Variants in SEMA5A observed in about 807,000 individuals in gnomAD.
SEMA5A encodes the protein semaphorin-5A.
A neutral mutation model predicts 135.5 loss-of-function variants in SEMA5A; 55 were observed. The ratio of observed to expected loss-of-function variants is 0.41; its 90% CI spans 0.33 to 0.51. The LOEUF (loss-of-function observed/expected upper bound fraction) is 0.51, where lower values mean the gene tolerates loss of function less well. Among genes scored for constraint, SEMA5A ranks in the 20% least tolerant of loss-of-function variants. The pLI is 0.37. For missense variants in SEMA5A, 1,290 were observed against 1,419.9 expected, an observed-to-expected ratio of 0.91 and a Z score of 1.47; for synonymous variants, 580 against 546.5, an observed-to-expected ratio of 1.06 and a Z score of -0.85.
intron 16 of SEMA5A, among the ~76,000 whole-genome samples, chr5:9,098,745 A>G (rs1739464690): frequency 6.6e-6 from 1 of 152,188 alleles, no homozygotes; most frequent in Admixed American, 6.5e-5. Context: ...GCCATTTAGT[A>G]GAAATTATTA....
At chr5:9,172,234 G>T (rs997341966) in intron 11 of SEMA5A, among the ~76,000 whole-genome samples, 3 of 151,994 alleles carry the variant, frequency 2.0e-5, no homozygotes, top group African/African-American at 7.3e-5. Flanking sequence ...GCTGCCTAGA[G>T]ATATTAAAAA....
At chr5:9,167,352 A>G (rs1451181930) in intron 11 of SEMA5A, among the ~76,000 whole-genome samples, 1 of 152,170 alleles carries the variant, frequency 6.6e-6, no homozygotes, top group African/African-American at 2.4e-5. Context: ...ACCGCATGCA[A>G]CTAGAACTCA....
chr5:9,194,455 T>G (rs1442302762), intron 10 of SEMA5A, among the ~76,000 whole-genome samples: 1 of 152,200 alleles, frequency 6.6e-6, no homozygotes, highest in African/African-American at 2.4e-5. Context: ...TTAAAAAATC[T>G]AACCACTTTC....
chr5:9,180,165 A>G (rs1347189902), intron 11 of SEMA5A, among the ~76,000 whole-genome samples: 1 of 152,176 alleles, frequency 6.6e-6, no homozygotes, highest in Non-Finnish European at 1.5e-5. Context: ...GTACTCCAGT[A>G]TGACTTCATC....
chr5:9,093,638 C>T (rs1051806626), intron 16 of SEMA5A, among the ~76,000 whole-genome samples: 17 of 151,672 alleles, frequency 1.1e-4, no homozygotes, highest in East Asian at 1.9e-4. Flanking sequence ...GCTCGTGAGG[C>T]GGAGCTTGCA....
chr5:9,104,962 C>T (rs1739833171), intron 16 of SEMA5A, among the ~76,000 whole-genome samples: 1 of 152,152 alleles, frequency 6.6e-6, no homozygotes, highest in South Asian at 2.1e-4. Context: ...ACACATGTGC[C>T]CCAGGGTCCA....
intron 1 of SEMA5A, among the ~76,000 whole-genome samples, chr5:9,456,617 C>T (rs1314846232): frequency 6.6e-6 from 1 of 152,074 alleles, no homozygotes; most frequent in African/African-American, 2.4e-5. Context: ...CTAACTGGAC[C>T]CCAAACCACA....
rs1442274005 is a variant in SEMA5A at position 9,036,528 on chromosome 5, C to T, written c.*6369G>A. 2.0e-5 allele frequency: 3 copies of T among 152,138 alleles called. No individual in the cohort carries two copies. Among genetic ancestry groups the T allele is most frequent in the African/African-American group, 7.2e-5 (3 of 41,426 alleles). 9.4% of individuals were successfully genotyped at this position (152,138 alleles called of 1,614,324 possible). On this transcript the variant is annotated 3_prime_UTR_variant, in exon 23 of 23. Coordinates refer to ENST00000382496, the MANE Select transcript of SEMA5A (RefSeq NM_003966.3). ...CTTCTATAGGCATCACGTTAACATT[C>T]TTATTACAGAACAATCACTATGATT...
intron 1 of SEMA5A, among the ~76,000 whole-genome samples, chr5:9,542,413 T>C (rs1424769928): frequency 6.6e-6 from 1 of 152,240 alleles, no homozygotes; most frequent in Non-Finnish European, 1.5e-5. Context: ...AAAGTACTTA[T>C]AGACGCTCAT....
At chr5:9,309,874 A>G (rs1359187289) in intron 5 of SEMA5A, among the ~76,000 whole-genome samples, 1 of 13,704 alleles carries the variant, frequency 7.3e-5, no homozygotes, top group East Asian at 2.1e-3. Flanking sequence ...ACAGCATCTG[A>G]CAGAAAATCT....
At chr5:9,269,118 G>A (rs936865111) in intron 5 of SEMA5A, among the ~76,000 whole-genome samples, 4 of 152,048 alleles carry the variant, frequency 2.6e-5, no homozygotes, top group African/African-American at 4.8e-5. Flanking sequence ...GAGAAAATCC[G>A]CGGGATGGAG....
rs570300937 is a variant in SEMA5A, at chr5:9,488,215, T to C, written c.-174-50363A>G. On this transcript the variant is annotated intron_variant, in intron 1 of 22. Coordinates refer to ENST00000382496, the MANE Select transcript of SEMA5A (RefSeq NM_003966.3). Reference sequence around the variant, plus strand: ...GCTATTCAGTCCCCACTTTGGCTTCTCGAGTTTCAGGCTGAATTACTGGCT... The same window carrying C: ...GCTATTCAGTCCCCACTTTGGCTTCCCGAGTTTCAGGCTGAATTACTGGCT... Among the ~76,000 whole-genome samples, 3 of 152,272 alleles carry C rather than the reference T, an allele frequency of 2.0e-5. No homozygotes were observed. The South Asian group carries it at 6.2e-4, about 32-fold the overall frequency.
chr5:9,489,261 T>C (rs1734883029), intron 1 of SEMA5A, among the ~76,000 whole-genome samples: 1 of 151,956 alleles, frequency 6.6e-6, no homozygotes. Flanking sequence ...AGCATATATA[T>C]ATATATATAC....
At chr5:9,139,051 T>C (rs972807321) in intron 12 of SEMA5A, among the ~76,000 whole-genome samples, 2 of 152,226 alleles carry the variant, frequency 1.3e-5, no homozygotes, top group African/African-American at 4.8e-5. Flanking sequence ...TGTGCTGCTA[T>C]AAACATGCAT....
chr5:9,507,168 C>A (rs1018419804), intron 1 of SEMA5A, among the ~76,000 whole-genome samples: 1 of 152,166 alleles, frequency 6.6e-6, no homozygotes, highest in African/African-American at 2.4e-5. Flanking sequence ...TAAAGAAGCA[C>A]CTGAGTCGAC....
intron 20 of SEMA5A, among the ~76,000 whole-genome samples, chr5:9,051,093 T>G (rs975360831): frequency 6.6e-6 from 1 of 152,234 alleles, no homozygotes; most frequent in African/African-American, 2.4e-5. Context: ...TAAAAATATG[T>G]CTATCGTTAA....
intron 2 of SEMA5A, among the ~76,000 whole-genome samples, chr5:9,383,041 C>T (rs573811260): frequency 6.6e-6 from 1 of 152,330 alleles, no homozygotes; most frequent in African/African-American, 2.4e-5. Context: ...GAGCCAGAGG[C>T]TCATCTGTCC....
intron 1 of SEMA5A, among the ~76,000 whole-genome samples, chr5:9,513,706 C>T (rs193190757): frequency 9.8e-4 from 149 of 152,352 alleles, no homozygotes; most frequent in Non-Finnish European, 8.1e-4. Context: ...TCCTAACAAT[C>T]TATGCCCCAG....
At chr5:9,459,121 A>G (rs1455850468) in intron 1 of SEMA5A, among the ~76,000 whole-genome samples, 5 of 152,202 alleles carry the variant, frequency 3.3e-5, no homozygotes, top group African/African-American at 4.8e-5. Context: ...AACTTTTTAA[A>G]AAAAGTCCCA....
Sources: allele counts gnomAD v4.1 joint callset (sites outside exome capture counted in the v4.1 genomes callset), GRCh38; gene constraint gnomAD v4.1.1; transcripts MANE v1.5; gene names NCBI Gene and HGNC (gene_info 2026-07-23, HGNC 2026-07-21).